Variants in IL18BP observed in about 807,000 individuals in gnomAD.
IL18BP encodes interleukin 18 binding protein, also known as interleukin-18-binding protein.
Under a neutral mutation model 19.9 loss-of-function variants are expected in IL18BP, and 23 were observed. The ratio of observed to expected loss-of-function variants is 1.15; its 90% confidence interval spans 0.83 to 1.64. The LOEUF is 1.64. Among genes scored for constraint, IL18BP ranks in the 40% most tolerant of loss-of-function variants. IL18BP has a pLI of 0.00. For missense variants in IL18BP, 239 were observed against 240.7 expected (o/e 0.99, Z 0.05); for synonymous variants, 107 against 101.0 (o/e 1.06, Z -0.35).
chr11:72,006,584 C>T (rs1451686636), downstream of IL18BP, among the ~76,000 whole-genome samples: 2 of 152,238 alleles, frequency 1.3e-5, no homozygotes, highest in Non-Finnish European at 2.9e-5. Context: ...CCCCAAATCA[C>T]ACTGCTAGGA....
Position 72,001,891 on chromosome 11 carries a change from C to A in IL18BP, c.*30C>A. The stretch of plus-strand genomic sequence containing the variant: ...CAGCACAGGGCCAGCAGCAGCACAA[C>A]CTTGACCAGAGCTTGGGTCCTACCT... On this transcript the variant is annotated 3_prime_UTR_variant, in exon 6 of 6. Transcript: ENST00000393703. 6.2e-7 allele frequency: 1 copy of A among 1,613,904 alleles called. No individual in the cohort carries two copies. Among genetic ancestry groups the A allele is most frequent in the Non-Finnish European group, 8.5e-7 (1 of 1,179,894 alleles).
downstream of IL18BP, chr11:72,007,555 C>G (rs1955826280): frequency 2.3e-6 from 3 of 1,290,310 alleles, no homozygotes; most frequent in Non-Finnish European, 3.2e-6. Flanking sequence ...AGCAGCCCAT[C>G]TCTCTGATTT....
rs1955341007 is a variant in IL18BP at position 72,002,742 on chromosome 11, G to T, written c.*881G>T. 5.5e-6 allele frequency: 1 copy of T among 180,264 alleles called. No individual in the cohort carries two copies. Among genetic ancestry groups the T allele is most frequent in the African/African-American group, 2.4e-5 (1 of 42,380 alleles). 11.2% of individuals were successfully genotyped at this position (180,264 alleles called of 1,614,324 possible). A position where few individuals can be genotyped will look rare whatever the true frequency, so the allele number is the denominator to read the frequency against. Reference sequence around the variant, plus strand: ...ATGGAGAGTGGGAAGAGCCTGGAAAGATGTGGCCTCAGGAAAAGGGATGAG... The same window carrying T: ...ATGGAGAGTGGGAAGAGCCTGGAAATATGTGGCCTCAGGAAAAGGGATGAG... On this transcript the variant is annotated 3_prime_UTR_variant, in exon 6 of 6. Coordinates refer to ENST00000393703, the MANE Select transcript of IL18BP (RefSeq NM_001039660.2).
downstream of IL18BP, chr11:72,004,364 G>A (rs200350152): frequency 1.3e-6 from 2 of 1,592,560 alleles, no homozygotes; most frequent in African/African-American, 1.3e-5. Flanking sequence ...GGACAGTTAG[G>A]CAGACAGTAG....
At chr11:72,005,982 A>T (rs973869273), downstream of IL18BP, 15 of 1,414,848 alleles carry the variant, frequency 1.1e-5, no homozygotes, top group African/African-American at 2.1e-4. Flanking sequence ...CTGTGCCACG[A>T]TCCACCTTCC....
At position 72,000,440 on chromosome 11, in the gene IL18BP, G is replaced by A; in HGVS notation, c.118G>A (p.Ala40Thr). Residue 40 changes from alanine to threonine, a missense_variant, in exon 3 of 6, where the codon GCC becomes ACC. Transcript: ENST00000393703. ...ACCTGTCTCGCAGACCACCACAGCTGCCACTGCCTCAGTTAGAAGCACAAA... is the reference window on the plus strand; with the variant it reads ...ACCTGTCTCGCAGACCACCACAGCTACCACTGCCTCAGTTAGAAGCACAAA... ...ATPVSQTTTA[A>T]TASVRSTKDP... 1 of 1,614,048 alleles carries A rather than the reference G, an allele frequency of 6.2e-7. No homozygotes were observed. Among genetic ancestry groups the A allele is most frequent in the Non-Finnish European group, 8.5e-7 (1 of 1,179,996 alleles).
downstream of IL18BP, chr11:72,003,541 G>C: frequency 6.2e-7 from 1 of 1,614,158 alleles, no homozygotes; most frequent in Non-Finnish European, 8.5e-7. Context: ...TGCTTTGCCT[G>C]AAAGAGACAC....
downstream of IL18BP, chr11:72,004,131 C>CAATG (rs1207942201): frequency 6.2e-7 from 1 of 1,611,902 alleles, no homozygotes; most frequent in African/African-American, 1.3e-5. Context: ...CCGGGAGACC[C>CAATG]AATGCTGCCT....
At chr11:72,003,139 G>T, downstream of IL18BP, 1 of 287,394 alleles carries the variant, frequency 3.5e-6, no homozygotes, top group Non-Finnish European at 6.6e-6. Flanking sequence ...CCAGCCACCA[G>T]GACAGCAGGA....
chr11:72,002,978 A>C (rs1011480276), downstream of IL18BP: 7 of 232,882 alleles, frequency 3.0e-5, no homozygotes, highest in Admixed American at 1.1e-4. Context: ...AGTCTGGGGA[A>C]GGTAGGGTGT....
At chr11:72,004,919 G>A (rs1201062906), downstream of IL18BP, 4 of 1,181,062 alleles carry the variant, frequency 3.4e-6, no homozygotes, top group Middle Eastern at 2.8e-4. Flanking sequence ...CTTATGGTCG[G>A]GACCCTTCCT....
chr11:72,007,750 A>G, downstream of IL18BP: 1 of 418,014 alleles, frequency 2.4e-6, no homozygotes, highest in South Asian at 2.4e-5. Context: ...TTCCTCCTGC[A>G]TCTCCCATTT....
rs751536450 is a variant in IL18BP at position 72,000,587 on chromosome 11, A to C, written c.235+30A>C. 3 of 1,588,498 alleles carry C rather than the reference A, an allele frequency of 1.9e-6. No individual in the cohort carries two copies. The East Asian group carries it at 6.7e-5, about 35-fold the overall frequency. ...GAAGCACAGTGGTGGAGGGTGGGCT[A>C]TGGGCACAGAGGTTCCCAGGGTCGG... is the stretch of plus-strand genomic sequence containing the variant. On this transcript the variant is annotated intron_variant, in intron 3 of 5. Transcript: ENST00000393703.
At chr11:72,004,543 G>C (rs1197009353), downstream of IL18BP, 1 of 1,334,774 alleles carries the variant, frequency 7.5e-7, no homozygotes, top group African/African-American at 1.5e-5. Context: ...AGAGGGGGAA[G>C]TGAGGGAAGG....
At position 72,002,119 on chromosome 11, in the gene IL18BP, CCT is replaced by C. The variant is rs1280298214; in HGVS notation, c.*260_*261del. ...CCATTAGCCTTCCTAACGTCCTACTCCTCACACTGCTCTACTGCTCAGAAACC... is the reference window on the plus strand; with the variant it reads ...CCATTAGCCTTCCTAACGTCCTACTCCACACTGCTCTACTGCTCAGAAACC... On this transcript the variant is annotated 3_prime_UTR_variant, in exon 6 of 6. Coordinates refer to ENST00000393703, the MANE Select transcript of IL18BP (RefSeq NM_001039660.2). 2 of 585,082 alleles carry C rather than the reference CCT, an allele frequency of 3.4e-6. No individual in the cohort carries two copies. The highest frequency in any genetic ancestry group is 3.7e-5 in the African/African-American group (2 of 53,466). The allele number at this position is 585,082 out of a possible 1,614,324, so 36.2% of individuals were successfully genotyped here.
At chr11:72,008,166 G>C (rs971327420), downstream of IL18BP, 3 of 475,034 alleles carry the variant, frequency 6.3e-6, no homozygotes, top group Admixed American at 2.4e-5. Flanking sequence ...ATAAGTAAAT[G>C]TAAGTGTTTA....
downstream of IL18BP, chr11:72,004,184 C>T (rs756099622): frequency 1.3e-5 from 21 of 1,604,108 alleles, no homozygotes; most frequent in African/African-American, 2.7e-5. Context: ...AGCAAGGTCC[C>T]GCCAGGGCGT....
chr11:72,004,657 C>T (rs1955556217), downstream of IL18BP: 2 of 1,612,844 alleles, frequency 1.2e-6, no homozygotes, highest in Non-Finnish European at 1.7e-6. Flanking sequence ...GTTCCAGGGC[C>T]CTGGTGGGGC....
chr11:72,007,239 G>T, downstream of IL18BP: 1 of 1,612,984 alleles, frequency 6.2e-7, no homozygotes. Flanking sequence ...CGAGCGGAGC[G>T]GGTCTTACGA....
Sources: allele counts gnomAD v4.1 joint callset (sites outside exome capture counted in the v4.1 genomes callset), GRCh38; gene constraint gnomAD v4.1.1; transcripts MANE v1.5; gene names NCBI Gene and HGNC (gene_info 2026-07-23, HGNC 2026-07-21).